The following PFKP variants were observed in gnomAD, a reference collection of about 807,000 sequenced individuals.
PFKP encodes phosphofructokinase, platelet.
PFKP carries 101 observed loss-of-function variants against 94.3 expected under a neutral mutation model. The observed-to-expected ratio is 1.07, with a 90% confidence interval of 0.91 to 1.26. The LOEUF (loss-of-function observed/expected upper bound fraction) is 1.26, where lower values mean the gene tolerates loss of function less well. Among genes scored for constraint, PFKP ranks in the 50% most tolerant of loss-of-function variants. The pLI is 0.00. For missense variants in PFKP, 1,145 were observed against 1,103.3 expected (o/e 1.04, Z -0.53); for synonymous variants, 573 against 432.6 (o/e 1.32, Z -4.03).
chr10:3,113,388 C>T lies in PFKP; in HGVS notation c.1241C>T (p.Ala414Val), dbSNP rs1375335916. The T allele has an allele frequency of 1.3e-6, 2 of 1,591,590 alleles. No homozygotes were observed. The highest frequency in any genetic ancestry group is 1.7e-6 in the Non-Finnish European group (2 of 1,166,084). The change falls in exon 13 of 22, where the codon GCT becomes GTT. Residue 414 changes from alanine to valine, a missense_variant. Ala to Val is a moderately conservative substitution (Grantham distance 64). Coordinates refer to ENST00000381125, the MANE Select transcript of PFKP (RefSeq NM_002627.5). ...GTTTTGCAGACCAATTGCAACGTAGCTGTCATCAACGTGGGGGCACCCGCG... is the reference window on the plus strand; with the variant it reads ...GTTTTGCAGACCAATTGCAACGTAGTTGTCATCAACGTGGGGGCACCCGCG... ...DQIPKTNCNV[A>V]VINVGAPAAG...
chr10:3,103,373 G>A (rs940511065), intron 4 of PFKP, among the ~76,000 whole-genome samples: 2 of 151,990 alleles, frequency 1.3e-5, no homozygotes, highest in African/African-American at 2.4e-5. Flanking sequence ...ATCGGCCAGG[G>A]CAGTGGCTCA....
chr10:3,122,604 C>A (rs1382623165), intron 16 of PFKP, among the ~76,000 whole-genome samples: 7 of 152,236 alleles, frequency 4.6e-5, no homozygotes, highest in Non-Finnish European at 1.0e-4. Context: ...CGGGTCCCCC[C>A]GGCCACTGTC....
chr10:3,076,928 A>G (rs567687109), intron 1 of PFKP, among the ~76,000 whole-genome samples: 1 of 152,302 alleles, frequency 6.6e-6, no homozygotes, highest in African/African-American at 2.4e-5. Context: ...TGCCTTTGGC[A>G]TCCCACCTCC....
intron 1 of PFKP, chr10:3,069,197 C>G (rs1831989782): frequency 7.8e-7 from 1 of 1,275,758 alleles, no homozygotes; most frequent in African/African-American, 1.5e-5. Flanking sequence ...CCGCAGCCCG[C>G]CCTGCAGCGC....
At position 3,134,515 on chromosome 10, in the gene PFKP, T is replaced by C. The variant is rs764415403; in HGVS notation, c.2055T>C (p.Phe685=). The C allele has an allele frequency of 1.9e-6, 3 of 1,614,036 alleles. No individual in the cohort carries two copies. Among genetic ancestry groups the C allele is most frequent in the Non-Finnish European group, 2.5e-6 (3 of 1,179,894 alleles). ...GGAPSPFDRN[F]GTKISARAME... ...CACCCTCTCCATTTGATAGAAACTT[T>C]GGAACCAAAATCTCTGCCAGAGCTA... is the stretch of plus-strand genomic sequence containing the variant. Residue 685 remains phenylalanine (F), a synonymous_variant, in exon 20 of 22, where the codon TTT becomes TTC. Transcript: ENST00000381125.
chr10:3,076,964 T>C (rs905513536), intron 1 of PFKP, among the ~76,000 whole-genome samples: 7 of 152,096 alleles, frequency 4.6e-5, no homozygotes, highest in African/African-American at 1.7e-4. Flanking sequence ...CCCTACATTA[T>C]CAAAGGAAAG....
At chr10:3,067,782 G>T in intron 1 of PFKP, 75 bp downstream of exon 1, 1 of 714,896 alleles carries the variant, frequency 1.4e-6, no homozygotes, top group Non-Finnish European at 2.1e-6. Flanking sequence ...AGGCGATGGG[G>T]TGACCGGAGA....
At chr10:3,099,496 T>C (rs1320745653) in intron 3 of PFKP, 144 bp downstream of exon 3, 2 of 681,964 alleles carry the variant, frequency 2.9e-6, no homozygotes, top group Non-Finnish European at 5.2e-6. Context: ...TCTTTACTTG[T>C]GGTTTGATTT....
intron 11 of PFKP, 52 bp downstream of exon 11, chr10:3,112,338 G>T (rs1186885075): frequency 2.9e-6 from 4 of 1,378,226 alleles, no homozygotes; most frequent in Non-Finnish European, 4.1e-6. Context: ...CACCCCTCAG[G>T]CCCAGCCACT....
chr10:3,091,321 G>A (rs1488539635), intron 2 of PFKP, among the ~76,000 whole-genome samples: 4 of 152,128 alleles, frequency 2.6e-5, no homozygotes, highest in Admixed American at 2.6e-4. Flanking sequence ...GCCATGCCCA[G>A]GGTAAACTAC....
At chr10:3,128,142 A>G (rs1198919871) in intron 16 of PFKP, among the ~76,000 whole-genome samples, 1 of 152,210 alleles carries the variant, frequency 6.6e-6, no homozygotes, top group African/African-American at 2.4e-5. Context: ...TATGTCATTC[A>G]GAGACAAGCA....
At chr10:3,126,944 C>T (rs906514704) in intron 16 of PFKP, among the ~76,000 whole-genome samples, 2 of 152,232 alleles carry the variant, frequency 1.3e-5, no homozygotes, top group Admixed American at 1.3e-4. Context: ...AAGTGCCACT[C>T]ACAGCTGCTG....
At chr10:3,091,938 G>A (rs748626725) in intron 2 of PFKP, among the ~76,000 whole-genome samples, 8 of 152,098 alleles carry the variant, frequency 5.3e-5, no homozygotes, top group Non-Finnish European at 5.9e-5. Context: ...TCATTTTATC[G>A]CTAGTTTTTT....
intron 1 of PFKP, chr10:3,069,247 A>C: frequency 6.9e-7 from 1 of 1,443,048 alleles, no homozygotes; most frequent in Middle Eastern, 1.8e-4. Context: ...CAGTAAAAGG[A>C]CCCCAGCATC....
At chr10:3,103,095 A>G (rs542672766) in intron 4 of PFKP, among the ~76,000 whole-genome samples, 1 of 152,354 alleles carries the variant, frequency 6.6e-6, no homozygotes, top group South Asian at 2.1e-4. Flanking sequence ...CAGTGTGAAG[A>G]TGGCCTAGTG....
At chr10:3,076,242 C>T (rs977303570) in intron 1 of PFKP, among the ~76,000 whole-genome samples, 1 of 152,074 alleles carries the variant, frequency 6.6e-6, no homozygotes, top group Admixed American at 6.5e-5. Flanking sequence ...AGTGTGGTCA[C>T]GCAATGGGTG....
rs1262329311 is a variant in PFKP at position 3,096,898 on chromosome 10, G to A, written c.187-2377G>A. ...TCGAGACCATCCTGGCTAACACGGT[G>A]AAACCCCGTCTCTACTAAAAATACA... On this transcript the variant is annotated intron_variant, in intron 2 of 21. Coordinates refer to ENST00000381125, the MANE Select transcript of PFKP (RefSeq NM_002627.5). Among the ~76,000 whole-genome samples the A allele has an allele frequency of 3.4e-5, 4 of 116,760 alleles. 1 individual carries two copies. Among genetic ancestry groups the A allele is most frequent in the African/African-American group, 1.3e-4 (4 of 30,036 alleles). The allele number at this position is 116,760 out of a possible 152,430, so 76.6% of individuals were successfully genotyped here. A position where few individuals can be genotyped will look rare whatever the true frequency, so the allele number is the denominator to read the frequency against.
At chr10:3,098,873 A>G (rs1306146719) in intron 2 of PFKP, among the ~76,000 whole-genome samples, 1 of 152,188 alleles carries the variant, frequency 6.6e-6, no homozygotes, top group Non-Finnish European at 1.5e-5. Context: ...AGCCCCTGAC[A>G]AAATGCTCCC....
At chr10:3,074,891 A>G (rs2131383148) in intron 1 of PFKP, among the ~76,000 whole-genome samples, 1 of 152,300 alleles carries the variant, frequency 6.6e-6, no homozygotes. Context: ...ACACACAAAT[A>G]GAGGTGTGAA....
Sources: allele counts gnomAD v4.1 joint callset (sites outside exome capture counted in the v4.1 genomes callset), GRCh38; gene constraint gnomAD v4.1.1; transcripts MANE v1.5; gene names NCBI Gene and HGNC (gene_info 2026-07-23, HGNC 2026-07-21).